Variants in FADS2 observed in about 807,000 individuals in gnomAD.
FADS2 encodes acyl-CoA 6-desaturase.
Under a neutral mutation model 61.2 loss-of-function variants are expected in FADS2, and 18 were observed. That is an observed-to-expected ratio of 0.29 (90% CI 0.20 to 0.44). The LOEUF is 0.44. FADS2 is among the 20% of genes least tolerant of loss of function. The pLI, the probability that FADS2 is intolerant of heterozygous loss-of-function variation, is 1.00. For missense variants in FADS2, 322 were observed against 572.7 expected (o/e 0.56, Z 4.47); for synonymous variants, 203 against 223.9 (o/e 0.91, Z 0.83).
In FADS2 at chr11:61,816,399, C is replaced by T. The variant is rs2066983725; in HGVS notation, c.114C>T (p.Ser38=). The T allele has an allele frequency of 6.3e-7, 1 of 1,598,556 alleles. No homozygotes were observed. Among genetic ancestry groups the T allele is most frequent in the African/African-American group, 1.3e-5 (1 of 75,054 alleles). The change falls in exon 1 of 12, where the codon TCC becomes TCT. Residue 38 remains serine, a synonymous_variant. Coordinates refer to the FADS2 transcript ENST00000257261. The surrounding 1 kb of genome is among the most constrained non-coding windows in gnomAD (Gnocchi z 7.0). The stretch of plus-strand genomic sequence containing the variant: ...CTCTCCCGCCTTTTCATCCCGCATC[C>T]GCAGGACACCCAATCACCGGGCAAC...
intron 1 of FADS2, among the ~76,000 whole-genome samples, chr11:61,823,102 G>A (rs2067046557): frequency 6.6e-6 from 1 of 152,194 alleles, no homozygotes; most frequent in African/African-American, 2.4e-5. Context: ...GAAAGGAATG[G>A]TGTCCTACAG....
chr11:61,838,025 G>T, intron 2 of FADS2, 137 bp downstream of exon 2: 1 of 665,324 alleles, frequency 1.5e-6, no homozygotes, highest in Non-Finnish European at 2.6e-6. Context: ...GAGCCACTGT[G>T]GTTCACCTGT....
At chr11:61,837,934 G>C in intron 2 of FADS2, 46 bp downstream of exon 2, 1 of 1,399,906 alleles carries the variant, frequency 7.1e-7, no homozygotes, top group Non-Finnish European at 1.0e-6. Context: ...CGAGGCTGGG[G>C]GTGGCTGGGA....
chr11:61,822,071 G>A (rs2067040088), intron 1 of FADS2, among the ~76,000 whole-genome samples: 1 of 151,964 alleles, frequency 6.6e-6, no homozygotes, highest in African/African-American at 2.4e-5. Context: ...CAGGGCTCAC[G>A]CCATTCTCCT....
At chr11:61,838,455 G>T in intron 2 of FADS2, among the ~76,000 whole-genome samples, 1 of 152,166 alleles carries the variant, frequency 6.6e-6, no homozygotes, top group African/African-American at 2.4e-5. Flanking sequence ...GGGCAGGGCA[G>T]GACGGGGAGG....
At chr11:61,824,514 A>AG (rs1202367041), upstream of FADS2, among the ~76,000 whole-genome samples, 1 of 123,620 alleles carries the variant, frequency 8.1e-6, no homozygotes, top group African/African-American at 2.8e-5. Context: ...AAAGAAAGAA[A>AG]GAAAGAAAGA....
At chr11:61,826,338 G>A (rs777697258), upstream of FADS2, 7 of 702,388 alleles carry the variant, frequency 1.0e-5, no homozygotes, top group South Asian at 1.5e-5. Flanking sequence ...GGCCCTGGCC[G>A]GTCCACGCTT....
intron 7 of FADS2, among the ~76,000 whole-genome samples, chr11:61,858,526 A>T (rs2067384720): frequency 6.7e-6 from 1 of 150,240 alleles, no homozygotes; most frequent in South Asian, 2.1e-4. Context: ...ATTCTTGAAA[A>T]TTTTTCCTTT....
chr11:61,837,470 G>A (rs1295284688), intron 1 of FADS2, among the ~76,000 whole-genome samples: 5 of 152,312 alleles, frequency 3.3e-5, no homozygotes, highest in Non-Finnish European at 5.9e-5. Flanking sequence ...TGCCTGGTGC[G>A]CCTTCCTGGA....
chr11:61,828,462 G>A lies in FADS2; in HGVS notation c.72G>A (p.Glu24=), dbSNP rs769140389. The A allele has an allele frequency of 4.4e-6, 7 of 1,606,596 alleles. No individual in the cohort carries two copies. Among genetic ancestry groups the A allele is most frequent in the Non-Finnish European group, 5.1e-6 (6 of 1,177,558 alleles). Residue 24 remains glutamate, a synonymous_variant, in exon 1 of 12, where the codon GAG becomes GAA. Coordinates refer to ENST00000278840, the MANE Select transcript of FADS2 (RefSeq NM_004265.4). The surrounding 1 kb of genome is among the most constrained non-coding windows in gnomAD (Gnocchi z 6.4). ...TGTCGGTGCCCACCTTCAGCTGGGA[G>A]GAGATTCAGAAGCATAACCTGCGCA... ...REVSVPTFSW[E]EIQKHNLRTD...
upstream of FADS2, chr11:61,826,119 T>A: frequency 1.4e-6 from 1 of 702,648 alleles, no homozygotes; most frequent in Non-Finnish European, 2.6e-6. Flanking sequence ...GCTTTACGGA[T>A]GTCCAAGCCT....
upstream of FADS2, chr11:61,826,503 G>A (rs1359612066): frequency 3.3e-6 from 2 of 615,310 alleles, no homozygotes; most frequent in East Asian, 2.7e-5. Flanking sequence ...TTATCTATAT[G>A]GTATGTTAAT....
Position 61,865,063 on chromosome 11 carries a change from C to T in FADS2, c.1158-89C>T. On this transcript the variant is annotated intron_variant, in intron 10 of 11. Transcript: ENST00000278840. This position sits in a 1 kb window ranked among gnomAD's most constrained non-coding sequence, Gnocchi z 4.1. ...CTGTGGACAGGGTCTCTGAGGGCCC[C>T]AGCCAGCCTCTGCCCAGGTGGTGGG... is the stretch of plus-strand genomic sequence containing the variant. The T allele has an allele frequency of 6.7e-7, 1 of 1,501,496 alleles. No homozygotes were observed. Among genetic ancestry groups the T allele is most frequent in the Non-Finnish European group, 9.0e-7 (1 of 1,109,622 alleles). The allele number at this position is 1,501,496 out of a possible 1,614,324, so 93.0% of individuals were successfully genotyped here.
In FADS2 at chr11:61,866,248, G is replaced by A. The variant is rs146038257; in HGVS notation, c.*559G>A. On this transcript the variant is annotated 3_prime_UTR_variant, in exon 12 of 12. Transcript: ENST00000278840. ...ACAAAGCTCGGGTCTCCCTCCTGCA[G>A]CTCGGTTAAGTACCCGAGGCCTCTC... 5.2e-3 allele frequency: 1,953 copies of A among 372,698 alleles called. 32 individuals carry two copies. Among genetic ancestry groups the A allele is most frequent in the African/African-American group, 0.035 (1,671 of 48,214 alleles). The allele number at this position is 372,698 out of a possible 1,614,324, so 23.1% of individuals were successfully genotyped here.
Position 61,865,875 on chromosome 11 carries a change from C to T in FADS2, c.*186C>T. ...CACATCTCCCCCATAGCACCCTGCC[C>T]TCATGGGACCTGCCCTCCCTCAGCC... On this transcript the variant is annotated 3_prime_UTR_variant, in exon 12 of 12. Transcript: ENST00000278840. The surrounding 1 kb of genome is among the most constrained non-coding windows in gnomAD (Gnocchi z 4.1). The T allele has an allele frequency of 1.0e-5, 6 of 588,458 alleles. No individual in the cohort carries two copies. The South Asian group carries it at 1.3e-4, about 13-fold the overall frequency. 36.5% of individuals were successfully genotyped at this position (588,458 alleles called of 1,614,324 possible).
At chr11:61,830,673 C>T (rs976188046) in intron 1 of FADS2, among the ~76,000 whole-genome samples, 1 of 152,190 alleles carries the variant, frequency 6.6e-6, no homozygotes, top group Non-Finnish European at 1.5e-5. Context: ...ACCGGGGCTG[C>T]AAACAGATCT....
chr11:61,829,714 G>C (rs1045181949), intron 1 of FADS2, among the ~76,000 whole-genome samples: 7 of 152,222 alleles, frequency 4.6e-5, no homozygotes, highest in Non-Finnish European at 1.0e-4. Context: ...GAATAGGAGA[G>C]AGGCAGAAAG....
Position 61,828,815 on chromosome 11 carries a change from C to A in FADS2, c.207+218C>A. ...CCGGATCTGGGACCCGGGGAGGCGG[C>A]GCTGCGGTGAAAGTCCCAGCGGTGG... On this transcript the variant is annotated intron_variant, in intron 1 of 11. Transcript: ENST00000278840. This position sits in a 1 kb window ranked among gnomAD's most constrained non-coding sequence, Gnocchi z 6.4. 3.6e-6 allele frequency: 2 copies of A among 554,334 alleles called. No homozygotes were observed. Among genetic ancestry groups the A allele is most frequent in the East Asian group, 6.3e-5 (2 of 31,918 alleles). 34.3% of individuals were successfully genotyped at this position (554,334 alleles called of 1,614,324 possible).
chr11:61,848,040 T>A (rs1411498055), intron 4 of FADS2, 119 bp from the exon 5 acceptor site: 1 of 1,230,336 alleles, frequency 8.1e-7, no homozygotes, highest in Non-Finnish European at 1.1e-6. Flanking sequence ...TGTGGGGGCC[T>A]GAAGTGCTAT....
Sources: gnomAD v4.1 joint callset for allele counts (sites outside exome capture counted in the v4.1 genomes callset) on GRCh38, gnomAD v4.1.1 for gene constraint, Gnocchi (gnomAD v3.1) non-coding constraint, MANE v1.5 for transcripts, NCBI Gene and HGNC (gene_info 2026-07-23, HGNC 2026-07-21) for gene names.